Variants in INF2 observed in about 807,000 individuals in gnomAD.
INF2 encodes inverted formin 2.
Under a neutral mutation model 123.5 loss-of-function variants are expected in INF2, and 43 were observed. The ratio of observed to expected loss-of-function variants is 0.35; its 90% confidence interval spans 0.27 to 0.45. The LOEUF is 0.45. INF2 is among the 20% of genes least tolerant of loss of function. The pLI, the probability that INF2 is intolerant of heterozygous loss-of-function variation, is 1.00. For missense variants in INF2, 1,453 were observed against 1,682.7 expected (o/e 0.86, Z 2.39); for synonymous variants, 851 against 745.0 (o/e 1.14, Z -2.32).
chr14:104,714,229 C>T lies in INF2; in HGVS notation c.3067C>T (p.Pro1023Ser). 1 of 1,562,180 alleles carries T rather than the reference C, an allele frequency of 6.4e-7. No homozygotes were observed. The highest frequency in any genetic ancestry group is 2.3e-5 in the East Asian group (1 of 42,784). ...PVATSNPAGDPVGSTRCPASE... is the reference protein window; with the variant it reads ...PVATSNPAGDSVGSTRCPASE... ...GGCCACCAGTAACCCTGCAGGAGAT[C>T]CCGTGGGCAGCACGCGCTGTCCCGC... The change falls in exon 21 of 23, where the codon CCC becomes TCC. Residue 1023 changes from proline to serine, a missense_variant. Physicochemically the swap from Pro to Ser is moderately conservative, Grantham distance 74. Around this residue, in one of 8 missense-constraint regions of INF2, gnomAD observed 344 missense variants for 333.1 expected, o/e 1.03. Coordinates refer to ENST00000392634, the MANE Select transcript of INF2 (RefSeq NM_022489.4).
At chr14:104,681,861 T>C (rs1888530828) in intron 1 of INF2, among the ~76,000 whole-genome samples, 1 of 152,140 alleles carries the variant, frequency 6.6e-6, no homozygotes, top group African/African-American at 2.4e-5. Flanking sequence ...CGTTGAAGTC[T>C]AACTGGGGAG....
At chr14:104,681,935 A>G (rs910900242) in intron 1 of INF2, among the ~76,000 whole-genome samples, 16 of 152,194 alleles carry the variant, frequency 1.1e-4, no homozygotes, top group Admixed American at 8.5e-4. Context: ...GCGCTGTGGG[A>G]AGGAGGGGAG....
chr14:104,701,333 C>T (rs369376202), intron 1 of INF2, 24 bp from the exon 2 acceptor site: 104 of 1,551,316 alleles, frequency 6.7e-5, no homozygotes, highest in Non-Finnish European at 8.6e-5. Flanking sequence ...TCCCCGCTGA[C>T]GGCTCCCTGC....
At position 104,710,314 on chromosome 14, in the gene INF2, G is replaced by A; in HGVS notation, c.2239+126G>A. On this transcript the variant is annotated intron_variant, in intron 13 of 22. Coordinates refer to ENST00000392634, the MANE Select transcript of INF2 (RefSeq NM_022489.4). Reference sequence around the variant, plus strand: ...CTGCTAAGAGCACCTAAGGGTGCCAGCCTTCACCACCACTCCGGAAACCAC... The same window carrying A: ...CTGCTAAGAGCACCTAAGGGTGCCAACCTTCACCACCACTCCGGAAACCAC... The A allele has an allele frequency of 4.3e-6, 3 of 691,968 alleles. No homozygotes were observed. The South Asian group carries it at 5.2e-5, about 12-fold the overall frequency. The allele number at this position is 691,968 out of a possible 1,614,324, so 42.9% of individuals were successfully genotyped here. A position where few individuals can be genotyped will look rare whatever the true frequency, so the allele number is the denominator to read the frequency against.
At position 104,718,960 on chromosome 14, in the gene INF2, G is replaced by C; in HGVS notation, c.*167G>C. The C allele has an allele frequency of 7.8e-6, 11 of 1,416,786 alleles. No individual in the cohort carries two copies. Among genetic ancestry groups the C allele is most frequent in the Non-Finnish European group, 1.0e-5 (11 of 1,087,104 alleles). 87.8% of individuals were successfully genotyped at this position (1,416,786 alleles called of 1,614,324 possible). ...CCTCCTGGAGCCTTCTTGGGGTGTTGTGGCTGGGAACCCGACAGGCACCAG... is the reference window on the plus strand; with the variant it reads ...CCTCCTGGAGCCTTCTTGGGGTGTTCTGGCTGGGAACCCGACAGGCACCAG... On this transcript the variant is annotated 3_prime_UTR_variant, in exon 23 of 23. Coordinates refer to ENST00000392634, the MANE Select transcript of INF2 (RefSeq NM_022489.4).
At position 104,712,842 on chromosome 14, in the gene INF2, C is replaced by G. The variant is rs377398103; in HGVS notation, c.2625C>G (p.Ala875=). The G allele has an allele frequency of 7.3e-5, 117 of 1,610,850 alleles. No homozygotes were observed. The highest frequency in any genetic ancestry group is 1.1e-5 in the Non-Finnish European group (13 of 1,178,582). The part of the protein sequence containing the change: ...YTERLQASIS[A]FRALDELFEA... ...CTTGCCCCCAGGCCAGCATCTCGGC[C>G]TTCCGGGCACTGGATGAGCTGTTTG... Residue 875 remains alanine, a synonymous_variant, in exon 18 of 23, where the codon GCC becomes GCG. Transcript: ENST00000392634.
Position 104,710,084 on chromosome 14 carries a change from C to G in INF2, c.2139-4C>G. On this transcript the variant is annotated splice_region_variant and splice_polypyrimidine_tract_variant and intron_variant, in intron 12 of 22. Coordinates refer to ENST00000392634, the MANE Select transcript of INF2 (RefSeq NM_022489.4). ...CCACTGATCCCTGTCTGTGCCATCCCCAGCTACCAGCTGCGAATCGAGTGC... is the reference window on the plus strand; with the variant it reads ...CCACTGATCCCTGTCTGTGCCATCCGCAGCTACCAGCTGCGAATCGAGTGC... 1 of 1,548,878 alleles carries G rather than the reference C, an allele frequency of 6.5e-7. No homozygotes were observed.
chr14:104,692,344 G>A (rs1328377250), intron 1 of INF2, among the ~76,000 whole-genome samples: 1 of 152,246 alleles, frequency 6.6e-6, no homozygotes, highest in Non-Finnish European at 1.5e-5. Context: ...AGCCCCTACT[G>A]TGTGCATCTG....
intron 10 of INF2, among the ~76,000 whole-genome samples, chr14:104,709,012 C>T (rs928672925): frequency 1.8e-4 from 28 of 152,192 alleles, no homozygotes; most frequent in African/African-American, 6.3e-4. Flanking sequence ...TTTCCTGCTG[C>T]GGGTGTCCAG....
rs1438900499 is a variant in INF2 at position 104,707,027 on chromosome 14, CG to C, written c.964del (p.Ala322ProfsTer43). The C allele has an allele frequency of 1.3e-6, 2 of 1,585,796 alleles. No individual in the cohort carries two copies. The highest frequency in any genetic ancestry group is 1.7e-6 in the Non-Finnish European group (2 of 1,173,860). ...GGAGGCCCTGGAGAGCCTCGTGAACCGGGCCGTGCTCCTGGCCAGCGATGGT... is the reference window on the plus strand; with the variant it reads ...GGAGGCCCTGGAGAGCCTCGTGAACCGGCCGTGCTCCTGGCCAGCGATGGT... ...LWEALESLVNRAVLLASDAQE... is the reference protein window; with the variant it reads ...LWEALESLVNXAVLLASDAQE... On this transcript the variant is annotated frameshift_variant, in exon 7 of 23. Coordinates refer to ENST00000392634, the MANE Select transcript of INF2 (RefSeq NM_022489.4). LOFTEE classifies it high-confidence loss of function.
intron 11 of INF2, 83 bp from the exon 12 acceptor site, chr14:104,709,537 T>G: frequency 7.3e-7 from 1 of 1,373,482 alleles, no homozygotes; most frequent in Admixed American, 1.7e-5. Context: ...TGATGGGCAC[T>G]GGAGGGGCTG....
chr14:104,703,312 G>A lies in INF2; in HGVS notation c.525G>A (p.Gln175=). 1 of 1,613,146 alleles carries A rather than the reference G, an allele frequency of 6.2e-7. No individual in the cohort carries two copies. The highest frequency in any genetic ancestry group is 8.5e-7 in the Non-Finnish European group (1 of 1,179,938). The change falls in exon 4 of 23, where the codon CAG becomes CAA. Residue 175 remains glutamine (Q), a synonymous_variant. Transcript: ENST00000392634. ...CCCCACAGACGGTGTGCAGCCAGCA[G>A]TACCGCTTCAGCATTGTCATGAACG... ...LDHYKTVCSQ[Q]YRFSIVMNEL... is the part of the protein sequence containing the mutation.
rs1274907990 is a variant in INF2 at position 104,714,473 on chromosome 14, C to A, written c.3311C>A (p.Thr1104Asn). The change falls in exon 21 of 23, where the codon ACT becomes AAT. Residue 1104 changes from threonine to asparagine, a missense_variant. By Grantham distance (65) the Thr-to-Asn change is moderately conservative (BLOSUM62 0). This residue lies in a region of INF2 where 344 missense variants were observed against 333.1 expected (regional missense o/e 1.03). Transcript: ENST00000392634. ...CCCTTGGAGGGGGCCTGGCCGGTGA[C>A]TCTGGGAGATGCTCAGGCCCTGAAG... ...PQPLEGAWPV[T>N]LGDAQALKPL... 1 of 1,612,572 alleles carries A rather than the reference C, an allele frequency of 6.2e-7. No individual in the cohort carries two copies. The highest frequency in any genetic ancestry group is 1.7e-5 in the Admixed American group (1 of 59,926).
chr14:104,709,298 C>T lies in INF2; in HGVS notation c.1967C>T (p.Ala656Val), dbSNP rs1401441980. 1.9e-6 allele frequency: 3 copies of T among 1,612,808 alleles called. No individual in the cohort carries two copies. The Admixed American group carries it at 5.0e-5, about 27-fold the overall frequency. Residue 656 changes from alanine (A) to valine (V), a missense_variant, in exon 11 of 23, where the codon GCT (alanine) becomes GTT (valine). Transcript: ENST00000392634. ...TGCTCCAGCTCCAACGAGGAGGTCG[C>T]TGCTATGATCCGGGCTGGAGATACC... The part of the protein sequence containing the change: ...KQFKCSNEEV[A>V]AMIRAGDTTK...
At position 104,699,745 on chromosome 14, in the gene INF2, T is replaced by A; in HGVS notation, c.-9-1612T>A. The A allele has an allele frequency of 3.6e-6, 1 of 276,048 alleles. No individual in the cohort carries two copies. Among genetic ancestry groups the A allele is most frequent in the Non-Finnish European group, 5.5e-6 (1 of 181,260 alleles). The allele number at this position is 276,048 out of a possible 1,614,324, so 17.1% of individuals were successfully genotyped here. On this transcript the variant is annotated intron_variant, in intron 1 of 22. Coordinates refer to ENST00000392634, the MANE Select transcript of INF2 (RefSeq NM_022489.4). The surrounding 1 kb of genome is among the most constrained non-coding windows in gnomAD (Gnocchi z 4.7). The stretch of plus-strand genomic sequence containing the variant: ...GAGGAGGGGCATCCCAAGGACAGCC[T>A]CTCAGGATGCTCCTGGCAGCCTGGT...
Position 104,701,341 on chromosome 14 carries a change from TGCCCTCTGC to T in INF2, c.-9-15_-9-7del, listed in dbSNP as rs1460047887. ...CATCCCCTCCCCGCTGACGGCTCCC[TGCCCTCTGC>T]CTGCAGCTCGGCAAGATGTCGGTGA... On this transcript the variant is annotated splice_polypyrimidine_tract_variant and splice_region_variant and intron_variant, in intron 1 of 22. Coordinates refer to ENST00000392634, the MANE Select transcript of INF2 (RefSeq NM_022489.4). 109 of 1,560,770 alleles carry T rather than the reference TGCCCTCTGC, an allele frequency of 7.0e-5. No homozygotes were observed. Among genetic ancestry groups the T allele is most frequent in the Non-Finnish European group, 9.3e-5 (107 of 1,151,990 alleles).
intron 1 of INF2, among the ~76,000 whole-genome samples, chr14:104,693,715 C>T (rs932530877): frequency 1.3e-5 from 2 of 152,190 alleles, no homozygotes; most frequent in Non-Finnish European, 2.9e-5. Context: ...TGGCCCTCGC[C>T]GGGTCGGGGG....
At chr14:104,709,944 CG>C in intron 12 of INF2, 143 bp from the exon 13 acceptor site, 1 of 790,100 alleles carries the variant, frequency 1.3e-6, no homozygotes, top group Non-Finnish European at 2.1e-6. Context: ...TGCGCAGGCC[CG>C]GGAGGGTGCC....
In INF2 at chr14:104,707,387, CA is replaced by C; in HGVS notation, c.1124del (p.Asn375ThrfsTer32). The C allele has an allele frequency of 6.3e-7, 1 of 1,590,414 alleles. No homozygotes were observed. The highest frequency in any genetic ancestry group is 1.7e-5 in the Admixed American group (1 of 57,188). ...LDQSQRGSSP[Q>X]NTTTPKPSVE... ...CCAGAGCCAGAGGGGCAGCTCCCCG[CA>C]AAACACTACAACCCCCAAGCCCAGC... On this transcript the variant is annotated frameshift_variant, in exon 8 of 23. Transcript: ENST00000392634. LOFTEE classifies it high-confidence loss of function.
Sources: gnomAD v4.1 joint callset for allele counts (sites outside exome capture counted in the v4.1 genomes callset) on GRCh38, gnomAD v4.1.1 for gene constraint, gnomAD v4.1.1 regional missense constraint, Gnocchi (gnomAD v3.1) non-coding constraint, MANE v1.5 for transcripts, NCBI Gene and HGNC (gene_info 2026-07-23, HGNC 2026-07-21) for gene names.